STAT5B: variants seen among roughly 807,000 people sequenced by gnomAD.
STAT5B encodes transcription factor STAT5B.
Under a neutral mutation model 107.8 loss-of-function variants are expected in STAT5B, and 21 were observed. The ratio of observed to expected loss-of-function variants is 0.19; its 90% CI spans 0.14 to 0.28. The LOEUF is 0.28. STAT5B is among the 10% of genes least tolerant of loss of function. The pLI, the probability that STAT5B is intolerant of heterozygous loss-of-function variation, is 1.00. For synonymous variants in STAT5B, 325 were observed against 401.7 expected (o/e 0.81, Z 2.28); for missense variants, 565 against 1,008.2 (o/e 0.56, Z 5.95).
chr17:42,246,526 T>C (rs1186490298), intron 1 of STAT5B, among the ~76,000 whole-genome samples: 1 of 152,210 alleles, frequency 6.6e-6, no homozygotes, highest in East Asian at 1.9e-4. Flanking sequence ...TTTATATATA[T>C]TAGTGGCCCT....
At chr17:42,256,051 G>A (rs1012443409) in intron 1 of STAT5B, among the ~76,000 whole-genome samples, 7 of 152,144 alleles carry the variant, frequency 4.6e-5, no homozygotes, top group Non-Finnish European at 1.0e-4. Flanking sequence ...TCCAGCCTGG[G>A]TGACACAGAG....
At chr17:42,262,709 A>T (rs1417700647) in intron 1 of STAT5B, among the ~76,000 whole-genome samples, 1 of 148,762 alleles carries the variant, frequency 6.7e-6, no homozygotes, top group African/African-American at 2.5e-5. Context: ...TTTTCAAAAC[A>T]TCTTCAATAT....
upstream of STAT5B, among the ~76,000 whole-genome samples, chr17:42,281,140 A>AAAAAAC (rs539650551): frequency 2.4e-3 from 358 of 152,162 alleles, 5 homozygotes; most frequent in African/African-American, 7.9e-3. Flanking sequence ...TCTCAAAAAA[A>AAAAAAC]AAAAACAAAA....
chr17:42,228,175 C>T (rs778283702), intron 2 of STAT5B, among the ~76,000 whole-genome samples: 7 of 152,190 alleles, frequency 4.6e-5, no homozygotes, highest in Non-Finnish European at 1.5e-5. Context: ...CAAGTTATTG[C>T]TATTTCTAAG....
intron 1 of STAT5B, among the ~76,000 whole-genome samples, chr17:42,263,515 G>T (rs2080636503): frequency 6.6e-6 from 1 of 151,830 alleles, no homozygotes; most frequent in African/African-American, 2.4e-5. Flanking sequence ...ATTATCATCT[G>T]TTTTTTTGTT....
intron 1 of STAT5B, among the ~76,000 whole-genome samples, chr17:42,262,908 G>GTA (rs565760661): frequency 5.5e-5 from 6 of 109,772 alleles, no homozygotes; most frequent in Admixed American, 1.0e-4. Context: ...ATATATATGT[G>GTA]TATATATATG....
chr17:42,243,482 C>T (rs146092531), intron 1 of STAT5B, among the ~76,000 whole-genome samples: 2 of 152,300 alleles, frequency 1.3e-5, no homozygotes, highest in South Asian at 4.1e-4. Flanking sequence ...AATGCCCTTG[C>T]TGGGAGTAGA....
the STAT5B span, among the ~76,000 whole-genome samples, chr17:42,284,836 C>G: frequency 6.6e-6 from 1 of 152,234 alleles, no homozygotes. Flanking sequence ...CATCTGTGCA[C>G]TTACTGGCCA....
chr17:42,253,096 T>C (rs977440942), intron 1 of STAT5B, among the ~76,000 whole-genome samples: 4 of 150,848 alleles, frequency 2.7e-5, no homozygotes, highest in African/African-American at 4.9e-5. Flanking sequence ...ATCAGTCTGA[T>C]AGACGTTGAA....
chr17:42,283,276 C>T, the STAT5B span, among the ~76,000 whole-genome samples: 2,900 of 152,302 alleles, frequency 0.019, 85 homozygotes, highest in African/African-American at 0.066. Context: ...AGTGCCAATT[C>T]CACTCAGCTG....
At chr17:42,233,851 GATGCCCCCCTCA>G (rs2080336987) in intron 1 of STAT5B, 1 of 152,090 alleles carries the variant, frequency 6.6e-6, no homozygotes, top group African/African-American at 2.4e-5. Flanking sequence ...AAACTACCAT[GATGCCCCCCTCA>G]GACTCACCTG....
chr17:42,207,801 C>A, intron 15 of STAT5B, 73 bp from the exon 16 acceptor site: 1 of 1,521,816 alleles, frequency 6.6e-7, no homozygotes, highest in Non-Finnish European at 9.0e-7. Flanking sequence ...CCCCAACATA[C>A]TATAAATTCA....
chr17:42,210,802 G>A (rs549543175), intron 13 of STAT5B, among the ~76,000 whole-genome samples: 10 of 152,280 alleles, frequency 6.6e-5, no homozygotes, highest in African/African-American at 2.4e-4. Flanking sequence ...AAGCATCAGT[G>A]TCACCTGGGA....
At chr17:42,243,228 C>T (rs1023522561) in intron 1 of STAT5B, among the ~76,000 whole-genome samples, 8 of 151,920 alleles carry the variant, frequency 5.3e-5, no homozygotes, top group East Asian at 3.9e-4. Context: ...TGGTGGCACA[C>T]GCCTGTAGTT....
intron 17 of STAT5B, 148 bp downstream of exon 17, chr17:42,202,609 G>T: frequency 6.8e-7 from 1 of 1,468,716 alleles, no homozygotes. Context: ...TCAGGTACTG[G>T]CATAGCATCA....
Position 42,218,831 on chromosome 17 carries a change from C to T in STAT5B, c.881G>A (p.Arg294His), listed in dbSNP as rs754523154. ...EIIWQNRQQIRRAEHLCQQLP... is the reference protein window; with the variant it reads ...EIIWQNRQQIHRAEHLCQQLP... ...CTGCTGGCAGAGGTGCTCAGCCCTG[C>T]GGATCTGCTGCCGGTTCTGCCAGAT... The change falls in exon 8 of 19, where the codon CGC (arginine) becomes CAC (histidine). Residue 294 changes from arginine to histidine, a missense_variant. Coordinates refer to ENST00000293328, the MANE Select transcript of STAT5B (RefSeq NM_012448.4). 18 of 1,613,370 alleles carry T rather than the reference C, an allele frequency of 1.1e-5. No homozygotes were observed. The East Asian group carries it at 1.3e-4, about 12-fold the overall frequency.
chr17:42,231,782 TTAA>T (rs1403916239), intron 2 of STAT5B, among the ~76,000 whole-genome samples: 1 of 152,204 alleles, frequency 6.6e-6, no homozygotes, highest in Non-Finnish European at 1.5e-5. Context: ...AAATCCTGTT[TTAA>T]AAATCCCAAG....
chr17:42,218,067 C>G (rs2080188539), intron 9 of STAT5B, 84 bp downstream of exon 9: 24 of 1,554,992 alleles, frequency 1.5e-5, no homozygotes, highest in Non-Finnish European at 2.1e-5. Flanking sequence ...AAACAGGGAT[C>G]TGACACAGGA....
rs527286167 is a variant in STAT5B, at chr17:42,247,390, T to C, written c.-10-15253A>G. On this transcript the variant is annotated intron_variant, in intron 1 of 18. Transcript: ENST00000293328. ...AAAATGTTTCATTTTTACTTAGACA[T>C]AACTTGAATATGTCATTTCAAATAA... 7.9e-5 allele frequency among the ~76,000 whole-genome samples: 12 copies of C among 152,360 alleles called. No homozygotes were observed. The East Asian group carries it at 1.9e-3, about 24-fold the overall frequency.
Sources: gnomAD v4.1 joint callset for allele counts (sites outside exome capture counted in the v4.1 genomes callset) on GRCh38, gnomAD v4.1.1 for gene constraint, MANE v1.5 for transcripts, NCBI Gene and HGNC (gene_info 2026-07-23, HGNC 2026-07-21) for gene names.